CCM2: variants seen among roughly 807,000 people sequenced by gnomAD.
The protein encoded by CCM2 is CCM2 scaffold protein, also known as cerebral cavernous malformations 2 protein.
CCM2 carries 25 observed loss-of-function variants against 44.9 expected under a neutral mutation model. The ratio of observed to expected loss-of-function variants is 0.56; its 90% CI spans 0.41 to 0.78. The LOEUF (loss-of-function observed/expected upper bound fraction) is 0.78, where lower values mean the gene tolerates loss of function less well. Among genes scored for constraint, CCM2 ranks in the 30% least tolerant of loss-of-function variants. The pLI, the probability that CCM2 is intolerant of heterozygous loss-of-function variation, is 0.00. For missense variants in CCM2, 481 were observed against 580.6 expected, an observed-to-expected ratio of 0.83 and a Z score of 1.76; for synonymous variants, 219 against 241.1, an observed-to-expected ratio of 0.91 and a Z score of 0.85.
At chr7:45,025,511 C>A (rs948798401) in intron 1 of CCM2, among the ~76,000 whole-genome samples, 2 of 149,590 alleles carry the variant, frequency 1.3e-5, no homozygotes, top group African/African-American at 2.5e-5. Flanking sequence ...AGATATATTT[C>A]TTGTTCTCTG....
At chr7:45,015,660 T>C (rs1796235995) in intron 1 of CCM2, among the ~76,000 whole-genome samples, 1 of 152,216 alleles carries the variant, frequency 6.6e-6, no homozygotes, top group East Asian at 1.9e-4. Context: ...GTCCCAGACA[T>C]GCCTTCTCTA....
At chr7:45,015,323 A>T (rs886126602) in intron 1 of CCM2, among the ~76,000 whole-genome samples, 6 of 152,260 alleles carry the variant, frequency 3.9e-5, no homozygotes, top group Non-Finnish European at 7.4e-5. Context: ...TTTTTTGCTC[A>T]GTCTCCCCAT....
At chr7:45,074,220 G>A (rs181315668) in intron 8 of CCM2, 50 bp from the exon 9 acceptor site, 362 of 1,611,860 alleles carry the variant, frequency 2.2e-4, no homozygotes, top group Middle Eastern at 5.0e-4. Context: ...CCCGACTGCC[G>A]ACTCTTGCCT....
intron 1 of CCM2, among the ~76,000 whole-genome samples, chr7:45,007,948 C>T (rs1029193410): frequency 2.0e-5 from 3 of 151,604 alleles, no homozygotes; most frequent in Admixed American, 2.0e-4. Flanking sequence ...TTCAAAAAAT[C>T]AAATTTGCTT....
intron 1 of CCM2, among the ~76,000 whole-genome samples, chr7:45,018,016 GAC>G (rs1349081855): frequency 1.3e-5 from 2 of 151,938 alleles, no homozygotes; most frequent in East Asian, 3.9e-4. Flanking sequence ...TTTCGTGGCA[GAC>G]AGTTTTTCCA....
Position 45,038,378 on chromosome 7 carries a change from C to A in CCM2, c.156C>A (p.Arg52=). 1 of 1,614,084 alleles carries A rather than the reference C, an allele frequency of 6.2e-7. No homozygotes were observed. Among genetic ancestry groups the A allele is most frequent in the African/African-American group, 1.3e-5 (1 of 75,016 alleles). Residue 52 remains arginine, a synonymous_variant, in exon 2 of 10, where the codon CGC becomes CGA. Coordinates refer to ENST00000258781, the MANE Select transcript of CCM2 (RefSeq NM_031443.4). ...LHTVVLSLPE[R]VEPDRLLSDY... is the part of the protein sequence containing the mutation. ...CTGTGGTGTTGTCATTGCCTGAGCG[C>A]GTCGAGCCAGACAGACTGCTGAGCG...
At position 45,008,719 on chromosome 7, in the gene CCM2, A is replaced by G. The variant is rs574207111; in HGVS notation, c.30+8356A>G. Among the ~76,000 whole-genome samples, 5 of 152,270 alleles carry G rather than the reference A, an allele frequency of 3.3e-5. No homozygotes were observed. The South Asian group carries it at 1.0e-3, about 32-fold the overall frequency. ...CAGGTCTAAGTGTCAGTTATGGTGC[A>G]TGTTGATTTTCTGTCAGATGTCTGA... On this transcript the variant is annotated intron_variant, in intron 1 of 9. Coordinates refer to ENST00000258781, the MANE Select transcript of CCM2 (RefSeq NM_031443.4).
At chr7:45,068,035 C>T in intron 4 of CCM2, 1 of 292,914 alleles carries the variant, frequency 3.4e-6, no homozygotes, top group Non-Finnish European at 6.7e-6. Flanking sequence ...GTCTAGATTG[C>T]CATGTGGACA....
At chr7:45,071,908 T>G (rs1178629306) in intron 6 of CCM2, 2 of 456,042 alleles carry the variant, frequency 4.4e-6, no homozygotes, top group Non-Finnish European at 8.8e-6. Context: ...CCCTTTGAAA[T>G]TGGTAACATA....
intron 1 of CCM2, 66 bp downstream of exon 1, chr7:45,000,429 G>C: frequency 5.6e-6 from 2 of 358,084 alleles, no homozygotes; most frequent in Non-Finnish European, 9.1e-6. Context: ...GGCCAGGGTG[G>C]GGTGGGCGGG....
At position 45,000,213 on chromosome 7, in the gene CCM2, C is replaced by A; in HGVS notation, c.-121C>A. 3.8e-6 allele frequency: 2 copies of A among 532,754 alleles called. No homozygotes were observed. The highest frequency in any genetic ancestry group is 4.8e-6 in the Non-Finnish European group (2 of 417,462). The allele number at this position is 532,754 out of a possible 1,614,324, so 33.0% of individuals were successfully genotyped here. On this transcript the variant is annotated 5_prime_UTR_variant, in exon 1 of 10. Transcript: ENST00000258781. Reference sequence around the variant, plus strand: ...GCGCGGCCGGGGCGGAGACTTCGGGCCCGGCTGGCGGGCGGCGCCGGGAGC... The same window carrying A: ...GCGCGGCCGGGGCGGAGACTTCGGGACCGGCTGGCGGGCGGCGCCGGGAGC...
intron 1 of CCM2, among the ~76,000 whole-genome samples, chr7:45,006,873 A>G (rs1304137915): frequency 6.6e-6 from 1 of 152,220 alleles, no homozygotes; most frequent in East Asian, 1.9e-4. Context: ...CTCTAAGAGA[A>G]TAAGTTTCTA....
intron 2 of CCM2, among the ~76,000 whole-genome samples, chr7:45,056,002 A>G (rs781180359): frequency 6.6e-6 from 1 of 152,204 alleles, no homozygotes; most frequent in Admixed American, 6.5e-5. Flanking sequence ...ATGTCGTAGC[A>G]TGTGTCAGCA....
intron 2 of CCM2, among the ~76,000 whole-genome samples, chr7:45,062,524 G>T (rs1207904527): frequency 6.6e-6 from 1 of 152,184 alleles, no homozygotes; most frequent in Non-Finnish European, 1.5e-5. Context: ...ACCACAGACT[G>T]GGAAATTTAT....
intron 1 of CCM2, among the ~76,000 whole-genome samples, chr7:45,019,933 C>T (rs1583860345): frequency 6.6e-6 from 1 of 152,166 alleles, no homozygotes; most frequent in Non-Finnish European, 1.5e-5. Context: ...GTGGGAGTCT[C>T]ACCTCCGCTT....
At chr7:45,004,391 G>A (rs1795763039) in intron 1 of CCM2, among the ~76,000 whole-genome samples, 1 of 152,150 alleles carries the variant, frequency 6.6e-6, no homozygotes, top group African/African-American at 2.4e-5. Context: ...TTTGGTAATG[G>A]TTATATATTG....
intron 1 of CCM2, among the ~76,000 whole-genome samples, chr7:45,018,411 GC>G (rs1796350187): frequency 6.6e-6 from 1 of 152,170 alleles, no homozygotes; most frequent in Non-Finnish European, 1.5e-5. Flanking sequence ...AGGCTGGAGT[GC>G]AGTGGCGTGA....
chr7:45,002,075 G>A (rs1326060400), intron 1 of CCM2, among the ~76,000 whole-genome samples: 2 of 152,302 alleles, frequency 1.3e-5, no homozygotes, highest in African/African-American at 4.8e-5. Flanking sequence ...TTGCAAGCTG[G>A]CAGAACCTTC....
chr7:45,040,854 G>C (rs746140107), intron 2 of CCM2, among the ~76,000 whole-genome samples: 1 of 152,236 alleles, frequency 6.6e-6, no homozygotes, highest in Non-Finnish European at 1.5e-5. Flanking sequence ...GCCAGGTGTA[G>C]TGGCACACGC....
Sources: gnomAD v4.1 joint callset for allele counts (sites outside exome capture counted in the v4.1 genomes callset) on GRCh38, gnomAD v4.1.1 for gene constraint, MANE v1.5 for transcripts, NCBI Gene and HGNC (gene_info 2026-07-23, HGNC 2026-07-21) for gene names.